BCHE: variants seen among roughly 807,000 people sequenced by gnomAD.
The protein encoded by BCHE is butyrylcholinesterase.
In BCHE, 48 loss-of-function variants were observed where a neutral mutation model predicts 51.3. That is an observed-to-expected ratio of 0.94 (90% CI 0.74 to 1.19). BCHE has a LOEUF of 1.19. BCHE is among the 50% of genes most tolerant of loss of function. The probability of loss-of-function intolerance (pLI) is 0.00; values close to 1 mark genes in which losing one functional copy is unlikely to be tolerated. For missense variants in BCHE, 847 were observed against 708.2 expected (o/e 1.20, Z -2.23); for synonymous variants, 251 against 238.0 (o/e 1.05, Z -0.50).
At chr3:165,809,017 C>A (rs1184576875) in intron 2 of BCHE, among the ~76,000 whole-genome samples, 2 of 151,902 alleles carry the variant, frequency 1.3e-5, no homozygotes, top group Non-Finnish European at 2.9e-5. Flanking sequence ...TCCCTTTTGA[C>A]TTTATATATT....
At chr3:165,821,823 C>A (rs1339289627) in intron 2 of BCHE, among the ~76,000 whole-genome samples, 1 of 151,790 alleles carries the variant, frequency 6.6e-6, no homozygotes, top group African/African-American at 2.4e-5. Context: ...GTATTAACAG[C>A]ATTTGGCTTA....
At chr3:165,797,437 T>C (rs1187795517) in intron 2 of BCHE, among the ~76,000 whole-genome samples, 1 of 149,042 alleles carries the variant, frequency 6.7e-6, no homozygotes, top group African/African-American at 2.5e-5. Flanking sequence ...TCTTCCCTAA[T>C]TTCCAAATGT....
intron 1 of BCHE, among the ~76,000 whole-genome samples, chr3:165,834,246 T>G (rs1715104602): frequency 6.6e-6 from 1 of 152,060 alleles, no homozygotes; most frequent in African/African-American, 2.4e-5. Context: ...ATTTATTATA[T>G]GTTGATATTT....
Position 165,773,482 on chromosome 3 carries a change from T to A in BCHE, c.1709A>T (p.Glu570Val). The change falls in exon 4 of 4, where the codon GAG (glutamate) becomes GTG (valine). Residue 570 changes from glutamate (E) to valine (V), a missense_variant. Coordinates refer to ENST00000264381, the MANE Select transcript of BCHE (RefSeq NM_000055.4). ...MTGNIDEAEW[E>V]WKAGFHRWNN... ...CCAGCGATGGAATCCTGCTTTCCACTCCCATTCTGCTTCATCAATATTTCC... is the reference window on the plus strand; with the variant it reads ...CCAGCGATGGAATCCTGCTTTCCACACCCATTCTGCTTCATCAATATTTCC... 1.2e-6 allele frequency: 2 copies of A among 1,608,016 alleles called. No homozygotes were observed. Among genetic ancestry groups the A allele is most frequent in the East Asian group, 2.2e-5 (1 of 44,710 alleles).
chr3:165,830,903 A>T lies in BCHE; in HGVS notation c.131T>A (p.Met44Lys). 1 of 1,613,978 alleles carries T rather than the reference A, an allele frequency of 6.2e-7. No individual in the cohort carries two copies. The highest frequency in any genetic ancestry group is 8.5e-7 in the Non-Finnish European group (1 of 1,179,904). Residue 44 changes from methionine to lysine, a missense_variant, in exon 2 of 4, where the codon ATG becomes AAG. Transcript: ENST00000264381. ...IATKNGKVRG[M>K]NLTVFGGTVT... is the part of the protein sequence containing the mutation. ...CGTGCCACCAAAAACTGTCAAGTTC[A>T]TCCCTCTGACTTTTCCATTCTTTGT...
chr3:165,790,964 CAG>C (rs1020189916), intron 2 of BCHE, among the ~76,000 whole-genome samples: 1 of 151,898 alleles, frequency 6.6e-6, no homozygotes, highest in African/African-American at 2.4e-5. Context: ...TGTGCCTACT[CAG>C]AGTAAGAGAG....
chr3:165,790,248 C>T (rs1022215120), intron 2 of BCHE, among the ~76,000 whole-genome samples: 5 of 152,048 alleles, frequency 3.3e-5, no homozygotes, highest in Non-Finnish European at 7.4e-5. Flanking sequence ...ATGATTCAAT[C>T]GATCATGCCT....
intron 2 of BCHE, among the ~76,000 whole-genome samples, chr3:165,806,341 G>A (rs915910917): frequency 5.9e-5 from 9 of 152,044 alleles, no homozygotes; most frequent in Non-Finnish European, 1.2e-4. Flanking sequence ...TTTAAGAAAG[G>A]TTTCTATAAG....
chr3:165,797,664 C>A (rs540251660), intron 2 of BCHE, among the ~76,000 whole-genome samples: 29 of 152,092 alleles, frequency 1.9e-4, no homozygotes, highest in African/African-American at 6.0e-4. Flanking sequence ...AAACTTGAAA[C>A]AAATTGGCTT....
At chr3:165,774,658 A>G (rs1345285633) in intron 3 of BCHE, among the ~76,000 whole-genome samples, 1 of 152,164 alleles carries the variant, frequency 6.6e-6, no homozygotes, top group Non-Finnish European at 1.5e-5. Context: ...AATGGGAAAC[A>G]ACATTAAGTC....
chr3:165,773,161 TAGAACTTTA>T lies in BCHE; in HGVS notation c.*212_*220del. 4.6e-6 allele frequency: 2 copies of T among 438,086 alleles called. No individual in the cohort carries two copies. The highest frequency in any genetic ancestry group is 8.1e-6 in the Non-Finnish European group (2 of 246,872). The allele number at this position is 438,086 out of a possible 1,614,324, so 27.1% of individuals were successfully genotyped here. On this transcript the variant is annotated 3_prime_UTR_variant, in exon 4 of 4. Coordinates refer to ENST00000264381, the MANE Select transcript of BCHE (RefSeq NM_000055.4). ...GTTTTAATATGCACATAATTAACTGTAGAACTTTATATTGTGAAATTTAATTAAACACGT... is the reference window on the plus strand; with the variant it reads ...GTTTTAATATGCACATAATTAACTGTTATTGTGAAATTTAATTAAACACGT...
chr3:165,800,030 C>A (rs1031783161), intron 2 of BCHE, among the ~76,000 whole-genome samples: 19 of 92,822 alleles, frequency 2.0e-4, no homozygotes, highest in Non-Finnish European at 4.3e-4. Flanking sequence ...ACTTTATTAG[C>A]GTGCAATTAG....
chr3:165,829,107 T>A (rs1185369314), intron 2 of BCHE, among the ~76,000 whole-genome samples: 2 of 152,108 alleles, frequency 1.3e-5, no homozygotes, highest in Admixed American at 6.6e-5. Flanking sequence ...GTATCAGGTA[T>A]CATGGTACCA....
chr3:165,773,356 T>C lies in BCHE; in HGVS notation c.*26A>G. ...TTTTGCCTTGATCTAAAGGAAAATA[T>C]GTTCTATAAAGGGTAAATCTATTAA... On this transcript the variant is annotated 3_prime_UTR_variant, in exon 4 of 4. Transcript: ENST00000264381. 2 of 1,600,586 alleles carry C rather than the reference T, an allele frequency of 1.2e-6. No individual in the cohort carries two copies. The highest frequency in any genetic ancestry group is 8.5e-7 in the Non-Finnish European group (1 of 1,170,420).
intron 2 of BCHE, among the ~76,000 whole-genome samples, chr3:165,803,545 T>C (rs189680380): frequency 3.5e-4 from 54 of 152,342 alleles, no homozygotes; most frequent in Non-Finnish European, 2.5e-4. Flanking sequence ...ACTATATTTC[T>C]TACTATTCTA....
At chr3:165,792,500 T>C (rs998442770) in intron 2 of BCHE, among the ~76,000 whole-genome samples, 13 of 152,296 alleles carry the variant, frequency 8.5e-5, no homozygotes, top group African/African-American at 3.1e-4. Context: ...ATGAATGGGA[T>C]ATTTTTACTT....
In BCHE at chr3:165,829,957, G is replaced by C. The variant is rs143300460; in HGVS notation, c.1077C>G (p.Val359=). ...CTTTGCTGAAGCCAGGAGCACCATAGACTAAAAAAGCTGTCCCTTCATCTT... is the reference window on the plus strand; with the variant it reads ...CTTTGCTGAAGCCAGGAGCACCATACACTAAAAAAGCTGTCCCTTCATCTT... ...VNKDEGTAFL[V]YGAPGFSKDN... Residue 359 remains valine (V), a synonymous_variant, in exon 2 of 4, where the codon GTC becomes GTG. Transcript: ENST00000264381. The C allele has an allele frequency of 6.2e-7, 1 of 1,613,624 alleles. No homozygotes were observed. Among genetic ancestry groups the C allele is most frequent in the Admixed American group, 1.7e-5 (1 of 59,858 alleles).
chr3:165,835,191 CAA>C lies in BCHE; in HGVS notation c.-9+2121_-9+2122del, dbSNP rs1263811674. ...AATAACTTTCAAATAAAAAAGGTGACAAATCTTTTTTTGTATTTTTAATTCAA... is the reference window on the plus strand; with the variant it reads ...AATAACTTTCAAATAAAAAAGGTGACATCTTTTTTTGTATTTTTAATTCAA... On this transcript the variant is annotated intron_variant, in intron 1 of 3. Coordinates refer to ENST00000264381, the MANE Select transcript of BCHE (RefSeq NM_000055.4). Among the ~76,000 whole-genome samples, 3 of 58,728 alleles carry C rather than the reference CAA, an allele frequency of 5.1e-5. No individual in the cohort carries two copies. The Admixed American group carries it at 6.6e-4, about 13-fold the overall frequency. The allele number at this position is 58,728 out of a possible 152,430, so 38.5% of individuals were successfully genotyped here.
chr3:165,809,182 G>T (rs1422609315), intron 2 of BCHE, among the ~76,000 whole-genome samples: 1 of 151,986 alleles, frequency 6.6e-6, no homozygotes, highest in African/African-American at 2.4e-5. Flanking sequence ...AACCGTTATG[G>T]ACTTTCATGT....
Sources: gnomAD v4.1 joint callset for allele counts (sites outside exome capture counted in the v4.1 genomes callset) on GRCh38, gnomAD v4.1.1 for gene constraint, MANE v1.5 for transcripts, NCBI Gene and HGNC (gene_info 2026-07-23, HGNC 2026-07-21) for gene names.